DPP10: variants seen among roughly 807,000 people sequenced by gnomAD.
DPP10 encodes the protein inactive dipeptidyl peptidase 10.
In DPP10, 33 loss-of-function variants were observed where a neutral mutation model predicts 120.9. The observed-to-expected ratio is 0.27, with a 90% CI of 0.21 to 0.37. The LOEUF is 0.37. Ranked by LOEUF, DPP10 falls within the 10% of genes least tolerant of loss-of-function variation. The pLI, the probability that DPP10 is intolerant of heterozygous loss-of-function variation, is 1.00. For missense variants in DPP10, 816 were observed against 942.8 expected (o/e 0.87, Z 1.76); for synonymous variants, 337 against 326.1 (o/e 1.03, Z -0.36).
chr2:115,716,560 A>G (rs1276323491), intron 7 of DPP10, among the ~76,000 whole-genome samples: 1 of 152,164 alleles, frequency 6.6e-6, no homozygotes, highest in Non-Finnish European at 1.5e-5. Context: ...CATGGGTTCA[A>G]TTACATTTAA....
At chr2:114,777,042 T>C (rs1184818071) in intron 1 of DPP10, among the ~76,000 whole-genome samples, 2 of 152,194 alleles carry the variant, frequency 1.3e-5, no homozygotes, top group Non-Finnish European at 2.9e-5. Flanking sequence ...ATATACATTA[T>C]ATAGTGTATA....
At chr2:115,565,227 T>A (rs2080926204) in intron 5 of DPP10, among the ~76,000 whole-genome samples, 1 of 152,178 alleles carries the variant, frequency 6.6e-6, no homozygotes, top group Non-Finnish European at 1.5e-5. Context: ...TTGAAACAAT[T>A]TTAGTTTATA....
At chr2:114,808,852 C>A (rs1256705080) in intron 1 of DPP10, among the ~76,000 whole-genome samples, 1 of 152,098 alleles carries the variant, frequency 6.6e-6, no homozygotes, top group Non-Finnish European at 1.5e-5. Context: ...AAATGCATTC[C>A]ACTCCCCACC....
intron 5 of DPP10, among the ~76,000 whole-genome samples, chr2:115,531,728 T>C (rs907361110): frequency 6.6e-6 from 1 of 152,146 alleles, no homozygotes; most frequent in Non-Finnish European, 1.5e-5. Context: ...CTTGAACTTC[T>C]ATAAACCAAA....
intron 5 of DPP10, among the ~76,000 whole-genome samples, chr2:115,672,504 C>T (rs1028019826): frequency 1.3e-5 from 2 of 152,088 alleles, no homozygotes; most frequent in Non-Finnish European, 2.9e-5. Context: ...TATTTTCCTA[C>T]AGATAGCCTA....
intron 1 of DPP10, among the ~76,000 whole-genome samples, chr2:115,052,479 G>A (rs766379188): frequency 4.3e-4 from 65 of 152,076 alleles, no homozygotes; most frequent in African/African-American, 1.4e-3. Flanking sequence ...ATTCAACACC[G>A]ATAAGATAAA....
intron 1 of DPP10, among the ~76,000 whole-genome samples, chr2:114,992,774 A>G (rs540446096): frequency 6.6e-5 from 10 of 152,244 alleles, no homozygotes; most frequent in Non-Finnish European, 8.8e-5. Context: ...AAAAGCAAAC[A>G]TAACTAAAGA....
At chr2:115,695,480 C>T (rs2091533785) in intron 7 of DPP10, among the ~76,000 whole-genome samples, 2 of 152,062 alleles carry the variant, frequency 1.3e-5, no homozygotes, top group Admixed American at 6.6e-5. Flanking sequence ...AGCAAAGTCA[C>T]GTCTTACATG....
At chr2:114,614,083 T>C (rs1355053317) in intron 1 of DPP10, among the ~76,000 whole-genome samples, 5 of 152,114 alleles carry the variant, frequency 3.3e-5, no homozygotes, top group African/African-American at 4.8e-5. Flanking sequence ...CATGTGTACC[T>C]ATGTAAAAAA....
intron 1 of DPP10, among the ~76,000 whole-genome samples, chr2:114,546,113 T>TTGATGGTCTCTATTTTATTCCTTGGAAG (rs1687376209): frequency 6.6e-6 from 1 of 152,038 alleles, no homozygotes; most frequent in African/African-American, 2.4e-5. Context: ...CCCCCCTGTA[T>TTGATGGTCTCTATTTTATTCCTTGGAAG]CAGTCCATTT....
intron 1 of DPP10, among the ~76,000 whole-genome samples, chr2:115,158,747 G>C (rs1490667118): frequency 6.6e-6 from 1 of 152,100 alleles, no homozygotes; most frequent in African/African-American, 2.4e-5. Context: ...TGAATTAGCT[G>C]ATCAAAGATA....
chr2:114,781,505 G>A (rs572671507), intron 1 of DPP10, among the ~76,000 whole-genome samples: 70 of 150,830 alleles, frequency 4.6e-4, no homozygotes, highest in African/African-American at 1.7e-3. Context: ...CATGGTACAG[G>A]CATTTGAAAA....
Position 115,800,867 on chromosome 2 carries a change from G to A in DPP10, c.1700+9511G>A, listed in dbSNP as rs538572244. Among the ~76,000 whole-genome samples the A allele has an allele frequency of 1.1e-4, 17 of 151,992 alleles. No homozygotes were observed. The South Asian group carries it at 1.9e-3, about 17-fold the overall frequency. On this transcript the variant is annotated intron_variant, in intron 19 of 25. Transcript: ENST00000410059. ...GTAGTATAGTTTGAAGTCAGGTAGC[G>A]TGATGCCTCCAGCTTTGTTCTTTTG... is the stretch of plus-strand genomic sequence containing the variant.
At chr2:115,823,457 G>A (rs576427485) in intron 21 of DPP10, among the ~76,000 whole-genome samples, 17 of 152,070 alleles carry the variant, frequency 1.1e-4, no homozygotes, top group Non-Finnish European at 1.9e-4. Context: ...GATTTATTTA[G>A]GGTCTCCTTT....
At chr2:115,198,343 C>T (rs916374617) in intron 1 of DPP10, among the ~76,000 whole-genome samples, 2 of 152,118 alleles carry the variant, frequency 1.3e-5, no homozygotes, top group Non-Finnish European at 2.9e-5. Flanking sequence ...AGCTTTATGG[C>T]ACCACTTTTG....
At chr2:115,558,652 A>T (rs932572007) in intron 5 of DPP10, among the ~76,000 whole-genome samples, 3 of 152,200 alleles carry the variant, frequency 2.0e-5, no homozygotes, top group Admixed American at 6.5e-5. Context: ...ATTCTACTTA[A>T]GTGGATTATG....
chr2:114,792,714 C>T (rs1323529134), intron 1 of DPP10, among the ~76,000 whole-genome samples: 1 of 152,110 alleles, frequency 6.6e-6, no homozygotes, highest in African/African-American at 2.4e-5. Context: ...GACCAGCCAC[C>T]AATAAAACAC....
At chr2:114,770,950 G>C (rs1681194993) in intron 1 of DPP10, among the ~76,000 whole-genome samples, 1 of 152,066 alleles carries the variant, frequency 6.6e-6, no homozygotes, top group Non-Finnish European at 1.5e-5. Context: ...GGGAAAAAAC[G>C]ACTGCAATGG....
chr2:114,828,872 T>C (rs1288522860), intron 1 of DPP10: 2 of 152,298 alleles, frequency 1.3e-5, no homozygotes, highest in African/African-American at 2.4e-5. Flanking sequence ...TCTTTTCTTT[T>C]CTGTTTTTGG....
Sources: gnomAD v4.1 joint callset for allele counts (sites outside exome capture counted in the v4.1 genomes callset) on GRCh38, gnomAD v4.1.1 for gene constraint, MANE v1.5 for transcripts, NCBI Gene and HGNC (gene_info 2026-07-23, HGNC 2026-07-21) for gene names.